The following HOXD9 variants were observed in gnomAD, a reference collection of about 807,000 sequenced individuals.
HOXD9 encodes the protein homeobox protein Hox-D9.
A neutral mutation model predicts 24.6 loss-of-function variants in HOXD9; 21 were observed. The observed-to-expected ratio is 0.85, with a 90% CI of 0.61 to 1.23. HOXD9 has a LOEUF of 1.23. Among genes scored for constraint, HOXD9 ranks in the 50% most tolerant of loss-of-function variants. The pLI is 0.00. For synonymous variants in HOXD9, 240 were observed against 226.4 expected, an observed-to-expected ratio of 1.06 and a Z score of -0.54; for missense variants, 503 against 503.6, an observed-to-expected ratio of 1.00 and a Z score of 0.01.
rs1027798474 is a variant in HOXD9 at position 176,123,526 on chromosome 2, G to C, written c.758G>C (p.Cys253Ser). The C allele has an allele frequency of 8.0e-6, 12 of 1,497,556 alleles. No individual in the cohort carries two copies. Among genetic ancestry groups the C allele is most frequent in the Non-Finnish European group, 1.1e-5 (12 of 1,120,674 alleles). The allele number at this position is 1,497,556 out of a possible 1,614,324, so 92.8% of individuals were successfully genotyped here. A position where few individuals can be genotyped will look rare whatever the true frequency, so the allele number is the denominator to read the frequency against. The change falls in exon 1 of 2, where the codon TGT becomes TCT. Residue 253 changes from cysteine to serine, a missense_variant. By Grantham distance (112) the Cys-to-Ser change is moderately radical (BLOSUM62 -1). Coordinates refer to ENST00000249499, the MANE Select transcript of HOXD9 (RefSeq NM_014213.4). This position sits in a 1 kb window ranked among gnomAD's most constrained non-coding sequence, Gnocchi z 4.2. The stretch of plus-strand genomic sequence containing the variant: ...TGCAGCGACCACCCGATCCCAGGCT[G>C]TTCGCTGAAGGAGGAGGAGAAGCAG... ...SACSDHPIPG[C>S]SLKEEEKQHS...
At position 176,123,940 on chromosome 2, in the gene HOXD9, C is replaced by G. The variant is rs761147520; in HGVS notation, c.824C>G (p.Pro275Arg). 105 of 1,609,938 alleles carry G rather than the reference C, an allele frequency of 6.5e-5. 2 individuals carry two copies. In the South Asian group the frequency reaches 1.1e-3, roughly 17 times the overall value. The change falls in exon 2 of 2, where the codon CCC becomes CGC. Residue 275 changes from proline (P) to arginine (R), a missense_variant. By Grantham distance (103) the Pro-to-Arg change is moderately radical. Transcript: ENST00000249499. The surrounding 1 kb of genome is among the most constrained non-coding windows in gnomAD (Gnocchi z 4.2). ...PQQQQLDPNN[P>R]AANWIHARST... ...CAAACCTCCCTCTTTGTAGACAACC[C>G]CGCCGCGAACTGGATCCACGCTCGC... is the stretch of plus-strand genomic sequence containing the variant.
chr2:176,124,011 G>A lies in HOXD9; in HGVS notation c.895G>A (p.Glu299Lys). 17 of 1,614,144 alleles carry A rather than the reference G, an allele frequency of 1.1e-5. No homozygotes were observed. The highest frequency in any genetic ancestry group is 1.4e-5 in the Non-Finnish European group (16 of 1,180,020). ...TCCCTACACCAAATACCAGACGCTTGAGCTGGAGAAAGAATTCCTCTTCAA... is the reference window on the plus strand; with the variant it reads ...TCCCTACACCAAATACCAGACGCTTAAGCTGGAGAAAGAATTCCTCTTCAA... ...RCPYTKYQTL[E>K]LEKEFLFNMY... Residue 299 changes from glutamate to lysine, a missense_variant, in exon 2 of 2, where the codon GAG (glutamate) becomes AAG (lysine). Glu to Lys is a moderately conservative substitution (Grantham distance 56). Transcript: ENST00000249499.
rs1297570287 is a variant in HOXD9 at position 176,124,170 on chromosome 2, G to T, written c.1054G>T (p.Asp352Tyr). 1.2e-6 allele frequency: 2 copies of T among 1,605,638 alleles called. No individual in the cohort carries two copies. Among genetic ancestry groups the T allele is most frequent in the African/African-American group, 1.3e-5 (1 of 74,690 alleles). ...GAGCAAGGAGAAATGCCCCAAAGGA[G>T]ACTGACCCGGCGCGGTGCTGGCGGG... is the stretch of plus-strand genomic sequence containing the variant. ...KMSKEKCPKG[D>Y] is the part of the protein sequence containing the mutation. Residue 352 changes from aspartate (D) to tyrosine (Y), a missense_variant, in exon 2 of 2, where the codon GAC becomes TAC. Asp to Tyr is a radical substitution (Grantham distance 160, BLOSUM62 -3). Coordinates refer to ENST00000249499, the MANE Select transcript of HOXD9 (RefSeq NM_014213.4).
At position 176,123,023 on chromosome 2, in the gene HOXD9, GC is replaced by G. The variant is rs1453534294; in HGVS notation, c.260del (p.Pro87ArgfsTer6). 1.3e-6 allele frequency: 2 copies of G among 1,588,688 alleles called. No homozygotes were observed. Among genetic ancestry groups the G allele is most frequent in the Non-Finnish European group, 1.7e-6 (2 of 1,170,252 alleles). ...CCTCGTGGTCCGCGGTGCCCTCCCA[GC>G]CCCCGGCAGCGGCGGCGATGAGCGG... ...SASWSAVPSQ[P>X]PAAAAMSGLY... On this transcript the variant is annotated frameshift_variant, in exon 1 of 2. Coordinates refer to ENST00000249499, the MANE Select transcript of HOXD9 (RefSeq NM_014213.4). LOFTEE classifies it high-confidence loss of function. The surrounding 1 kb of genome is among the most constrained non-coding windows in gnomAD (Gnocchi z 4.2).
In HOXD9 at chr2:176,123,381, C is replaced by T. The variant is rs939312868; in HGVS notation, c.613C>T (p.Pro205Ser). Residue 205 changes from proline (P) to serine (S), a missense_variant, in exon 1 of 2, where the codon CCC (proline) becomes TCC (serine). Transcript: ENST00000249499. The surrounding 1 kb of genome is among the most constrained non-coding windows in gnomAD (Gnocchi z 4.2). Reference sequence around the variant, plus strand: ...CCGGGAGTCCCAGGGGAGCAGCGGCCCCGAGTTCTCGTGCAACTCGTTCCT... The same window carrying T: ...CCGGGAGTCCCAGGGGAGCAGCGGCTCCGAGTTCTCGTGCAACTCGTTCCT... ...VARESQGSSGPEFSCNSFLQE... is the reference protein window; with the variant it reads ...VARESQGSSGSEFSCNSFLQE... 1.9e-6 allele frequency: 3 copies of T among 1,552,542 alleles called. No homozygotes were observed. Among genetic ancestry groups the T allele is most frequent in the Non-Finnish European group, 2.6e-6 (3 of 1,148,202 alleles).
rs1318430014 is a variant in HOXD9 at position 176,123,970 on chromosome 2, C to T, written c.854C>T (p.Thr285Ile). 1.2e-6 allele frequency: 2 copies of T among 1,613,096 alleles called. No homozygotes were observed. The highest frequency in any genetic ancestry group is 1.7e-6 in the Non-Finnish European group (2 of 1,179,300). The change falls in exon 2 of 2, where the codon ACC becomes ATC. Residue 285 changes from threonine to isoleucine, a missense_variant. Thr to Ile is a moderately conservative substitution (Grantham distance 89). Coordinates refer to ENST00000249499, the MANE Select transcript of HOXD9 (RefSeq NM_014213.4). This position sits in a 1 kb window ranked among gnomAD's most constrained non-coding sequence, Gnocchi z 4.2. ...GCGAACTGGATCCACGCTCGCTCCA[C>T]CCGGAAAAAGCGCTGTCCCTACACC... ...PAANWIHARS[T>I]RKKRCPYTKY...
Position 176,122,932 on chromosome 2 carries a change from G to T in HOXD9, c.164G>T (p.Gly55Val). 1 of 1,580,324 alleles carries T rather than the reference G, an allele frequency of 6.3e-7. No homozygotes were observed. Among genetic ancestry groups the T allele is most frequent in the Non-Finnish European group, 8.6e-7 (1 of 1,165,758 alleles). ...AQGRPAGVAD[G>V]PAATAAEFAS... ...GGCCGGCCTGCAGGTGTGGCTGATG[G>T]CCCGGCCGCCACCGCCGCCGAGTTC... The change falls in exon 1 of 2, where the codon GGC (glycine) becomes GTC (valine). Residue 55 changes from glycine to valine, a missense_variant. Gly to Val is a moderately radical substitution (Grantham distance 109, BLOSUM62 -3). Coordinates refer to ENST00000249499, the MANE Select transcript of HOXD9 (RefSeq NM_014213.4).
rs770874082 is a variant in HOXD9, at chr2:176,122,752, C to A, written c.-17C>A. On this transcript the variant is annotated 5_prime_UTR_variant, in exon 1 of 2. Coordinates refer to ENST00000249499, the MANE Select transcript of HOXD9 (RefSeq NM_014213.4). ...GCTCGGGCGCCGGCGGGGAGCTGCT[C>A]GGCGGCGGACAGTGTAATGTTGGGT... 3.4e-6 allele frequency: 5 copies of A among 1,461,698 alleles called. No homozygotes were observed. The South Asian group carries it at 4.4e-5, about 13-fold the overall frequency. 90.5% of individuals were successfully genotyped at this position (1,461,698 alleles called of 1,614,324 possible).
In HOXD9 at chr2:176,123,365, C is replaced by T. The variant is rs1460887598; in HGVS notation, c.597C>T (p.Ser199=). 6.4e-7 allele frequency: 1 copy of T among 1,550,906 alleles called. No individual in the cohort carries two copies. The highest frequency in any genetic ancestry group is 2.0e-5 in the Admixed American group (1 of 51,034). The part of the protein sequence containing the change: ...KRTECSVARE[S]QGSSGPEFSC... ...CTGAGTGCTCCGTGGCCCGGGAGTCCCAGGGGAGCAGCGGCCCCGAGTTCT... is the reference window on the plus strand; with the variant it reads ...CTGAGTGCTCCGTGGCCCGGGAGTCTCAGGGGAGCAGCGGCCCCGAGTTCT... Residue 199 remains serine (S), a synonymous_variant, in exon 1 of 2, where the codon TCC becomes TCT. Coordinates refer to ENST00000249499, the MANE Select transcript of HOXD9 (RefSeq NM_014213.4). This position sits in a 1 kb window ranked among gnomAD's most constrained non-coding sequence, Gnocchi z 4.2.
chr2:176,122,828 C>G lies in HOXD9; in HGVS notation c.60C>G (p.Tyr20Ter). Residue 20 changes from tyrosine to a stop codon, truncating the protein, a stop_gained, in exon 1 of 2, where the codon TAC becomes TAG. Transcript: ENST00000249499. LOFTEE classifies it high-confidence loss of function. ...CTTCCAGTGGCACCCTCAGCAACTA[C>G]TACGTGGACTCGCTTATAGGCCATG... The part of the protein sequence containing the change: ...KMSSSGTLSN[Y>*]YVDSLIGHEG... The G allele has an allele frequency of 6.4e-7, 1 of 1,565,628 alleles. No homozygotes were observed. The highest frequency in any genetic ancestry group is 8.6e-7 in the Non-Finnish European group (1 of 1,161,344).
In HOXD9 at chr2:176,123,401, G is replaced by A. The variant is rs913972238; in HGVS notation, c.633G>A (p.Ser211=). 39 of 1,555,372 alleles carry A rather than the reference G, an allele frequency of 2.5e-5. No individual in the cohort carries two copies. Among genetic ancestry groups the A allele is most frequent in the Non-Finnish European group, 3.4e-5 (39 of 1,149,962 alleles). The change falls in exon 1 of 2, where the codon TCG becomes TCA. Residue 211 remains serine, a synonymous_variant. Coordinates refer to ENST00000249499, the MANE Select transcript of HOXD9 (RefSeq NM_014213.4). This position sits in a 1 kb window ranked among gnomAD's most constrained non-coding sequence, Gnocchi z 4.2. ...GSSGPEFSCN[S]FLQEKAAAAT... ...GCGGCCCCGAGTTCTCGTGCAACTC[G>A]TTCCTGCAGGAGAAGGCGGCAGCGG...
chr2:176,122,946 G>A lies in HOXD9; in HGVS notation c.178G>A (p.Ala60Thr). 2 of 1,582,664 alleles carry A rather than the reference G, an allele frequency of 1.3e-6. No individual in the cohort carries two copies. Among genetic ancestry groups the A allele is most frequent in the African/African-American group, 1.4e-5 (1 of 71,914 alleles). Residue 60 changes from alanine to threonine, a missense_variant, in exon 1 of 2, where the codon GCC (alanine) becomes ACC (threonine). Coordinates refer to ENST00000249499, the MANE Select transcript of HOXD9 (RefSeq NM_014213.4). ...TGTGGCTGATGGCCCGGCCGCCACC[G>A]CCGCCGAGTTCGCCTCGTGTAGTTT... ...AGVADGPAAT[A>T]AEFASCSFAP...
chr2:176,123,711 T>A lies in HOXD9; in HGVS notation c.817+126T>A. 7.8e-7 allele frequency: 1 copy of A among 1,290,012 alleles called. No individual in the cohort carries two copies. The highest frequency in any genetic ancestry group is 1.8e-5 in the South Asian group (1 of 55,802). The allele number at this position is 1,290,012 out of a possible 1,614,324, so 79.9% of individuals were successfully genotyped here. A position where few individuals can be genotyped will look rare whatever the true frequency, so the allele number is the denominator to read the frequency against. ...CCTACCCAAGCCTAGGCGAACAACATGCATCCATAAAAAGAGCTTCCCATA... is the reference window on the plus strand; with the variant it reads ...CCTACCCAAGCCTAGGCGAACAACAAGCATCCATAAAAAGAGCTTCCCATA... On this transcript the variant is annotated intron_variant, in intron 1 of 1. Transcript: ENST00000249499. This position sits in a 1 kb window ranked among gnomAD's most constrained non-coding sequence, Gnocchi z 4.2.
rs1344043612 is a variant in HOXD9 at position 176,123,142 on chromosome 2, G to A, written c.374G>A (p.Gly125Asp). ...YVRSWMEPLP[G>D]FPGGAGGGGG... ...CGCTCCTGGATGGAGCCGCTGCCCG[G>A]CTTCCCGGGCGGTGCGGGCGGTGGC... Residue 125 changes from glycine to aspartate, a missense_variant, in exon 1 of 2, where the codon GGC (glycine) becomes GAC (aspartate). Transcript: ENST00000249499. This position sits in a 1 kb window ranked among gnomAD's most constrained non-coding sequence, Gnocchi z 4.2. 7.1e-7 allele frequency: 1 copy of A among 1,413,410 alleles called. No homozygotes were observed. The highest frequency in any genetic ancestry group is 9.2e-7 in the Non-Finnish European group (1 of 1,088,794). The allele number at this position is 1,413,410 out of a possible 1,614,324, so 87.6% of individuals were successfully genotyped here.
rs563367608 is a variant in HOXD9 at position 176,123,485 on chromosome 2, G to A, written c.717G>A (p.Ser239=). 6.5e-7 allele frequency: 1 copy of A among 1,539,586 alleles called. No homozygotes were observed. Among genetic ancestry groups the A allele is most frequent in the Non-Finnish European group, 8.8e-7 (1 of 1,138,008 alleles). Residue 239 remains serine, a synonymous_variant, in exon 1 of 2, where the codon TCG becomes TCA. Transcript: ENST00000249499. This position sits in a 1 kb window ranked among gnomAD's most constrained non-coding sequence, Gnocchi z 4.2. The part of the protein sequence containing the change: ...GIGAATGTGG[S]SEPSACSDHP... ...GGGCCGCGACTGGGACGGGCGGCTCGTCGGAGCCCTCAGCTTGCAGCGACC... is the reference window on the plus strand; with the variant it reads ...GGGCCGCGACTGGGACGGGCGGCTCATCGGAGCCCTCAGCTTGCAGCGACC...
Position 176,122,985 on chromosome 2 carries a change from G to T in HOXD9, c.217G>T (p.Ala73Ser), listed in dbSNP as rs955092830. The change falls in exon 1 of 2, where the codon GCC becomes TCC. Residue 73 changes from alanine (A) to serine (S), a missense_variant. By Grantham distance (99) the Ala-to-Ser change is moderately conservative. Transcript: ENST00000249499. ...FASCSFAPRS[A>S]VFSASWSAVP... Reference sequence around the variant, plus strand: ...CTCGTGTAGTTTTGCCCCCAGATCGGCCGTGTTCTCTGCCTCGTGGTCCGC... The same window carrying T: ...CTCGTGTAGTTTTGCCCCCAGATCGTCCGTGTTCTCTGCCTCGTGGTCCGC... 1.1e-5 allele frequency: 18 copies of T among 1,597,528 alleles called. No individual in the cohort carries two copies. The highest frequency in any genetic ancestry group is 1.5e-5 in the Non-Finnish European group (18 of 1,173,832).
Position 176,122,813 on chromosome 2 carries a change from C to T in HOXD9, c.45C>T (p.Gly15=). The change falls in exon 1 of 2, where the codon GGC becomes GGT. Residue 15 remains glycine (G), a synonymous_variant. Coordinates refer to ENST00000249499, the MANE Select transcript of HOXD9 (RefSeq NM_014213.4). ...GACGCCTCAAAATGTCTTCCAGTGG[C>T]ACCCTCAGCAACTACTACGTGGACT... The part of the protein sequence containing the change: ...SAGRLKMSSS[G]TLSNYYVDSL... 1.3e-6 allele frequency: 2 copies of T among 1,546,384 alleles called. No individual in the cohort carries two copies. Among genetic ancestry groups the T allele is most frequent in the Non-Finnish European group, 1.7e-6 (2 of 1,152,496 alleles).
In HOXD9 at chr2:176,123,431, G is replaced by A. The variant is rs535219899; in HGVS notation, c.663G>A (p.Thr221=). The change falls in exon 1 of 2, where the codon ACG becomes ACA. Residue 221 remains threonine (T), a synonymous_variant. Coordinates refer to ENST00000249499, the MANE Select transcript of HOXD9 (RefSeq NM_014213.4). This position sits in a 1 kb window ranked among gnomAD's most constrained non-coding sequence, Gnocchi z 4.2. ...TGCAGGAGAAGGCGGCAGCGGCGACGGGGGGAACCGGGCCTGGGGCAGGGA... is the reference window on the plus strand; with the variant it reads ...TGCAGGAGAAGGCGGCAGCGGCGACAGGGGGAACCGGGCCTGGGGCAGGGA... ...SFLQEKAAAA[T]GGTGPGAGIG... The A allele has an allele frequency of 1.3e-6, 2 of 1,561,744 alleles. No homozygotes were observed. The highest frequency in any genetic ancestry group is 2.4e-5 in the South Asian group (2 of 85,016).
At position 176,122,812 on chromosome 2, in the gene HOXD9, G is replaced by A. The variant is rs948020252; in HGVS notation, c.44G>A (p.Gly15Asp). ...SAGRLKMSSS[G>D]TLSNYYVDSL... ...GGACGCCTCAAAATGTCTTCCAGTG[G>A]CACCCTCAGCAACTACTACGTGGAC... is the stretch of plus-strand genomic sequence containing the variant. The change falls in exon 1 of 2, where the codon GGC becomes GAC. Residue 15 changes from glycine to aspartate, a missense_variant. Physicochemically the swap from Gly to Asp is moderately conservative, Grantham distance 94. Transcript: ENST00000249499. 9.1e-6 allele frequency: 14 copies of A among 1,545,604 alleles called. No individual in the cohort carries two copies. The highest frequency in any genetic ancestry group is 4.2e-5 in the Admixed American group (2 of 47,680).
Sources: allele counts gnomAD v4.1 joint callset, GRCh38; gene constraint gnomAD v4.1.1; non-coding constraint Gnocchi (gnomAD v3.1); transcripts MANE v1.5; gene names NCBI Gene and HGNC (gene_info 2026-07-23, HGNC 2026-07-21).